Variants in MYO1D observed in about 807,000 individuals in gnomAD.
The protein encoded by MYO1D is myosin ID.
In MYO1D, 83 loss-of-function variants were observed where a neutral mutation model predicts 122.0. That is an observed-to-expected ratio of 0.68 (90% CI 0.57 to 0.82). The LOEUF is 0.82. Ranked by LOEUF, MYO1D falls within the 40% of genes least tolerant of loss-of-function variation. MYO1D has a pLI of 0.00. For missense variants in MYO1D, 1,157 were observed against 1,269.5 expected, an observed-to-expected ratio of 0.91 and a Z score of 1.35; for synonymous variants, 464 against 446.9, an observed-to-expected ratio of 1.04 and a Z score of -0.48.
chr17:32,575,499 AT>A (rs2087270417), intron 21 of MYO1D, among the ~76,000 whole-genome samples: 1 of 152,244 alleles, frequency 6.6e-6, no homozygotes, highest in Non-Finnish European at 1.5e-5. Context: ...TGGTGTGATT[AT>A]ATAGTACAAG....
At chr17:32,643,885 T>G (rs1451231797) in intron 19 of MYO1D, among the ~76,000 whole-genome samples, 2 of 152,210 alleles carry the variant, frequency 1.3e-5, no homozygotes, top group African/African-American at 2.4e-5. Flanking sequence ...CTGGATTCAT[T>G]GATTTTTTGA....
At chr17:32,734,099 T>C (rs1470172209) in intron 14 of MYO1D, among the ~76,000 whole-genome samples, 5 of 152,190 alleles carry the variant, frequency 3.3e-5, no homozygotes, top group Admixed American at 3.3e-4. Context: ...CCACAAAGGT[T>C]TTATAAAACT....
intron 1 of MYO1D, chr17:32,792,623 A>G (rs1416814204): frequency 2.0e-5 from 3 of 152,204 alleles, no homozygotes; most frequent in Non-Finnish European, 4.4e-5. Flanking sequence ...TGTTGGAAAG[A>G]GTAGGAGCTT....
rs28679586 is a variant in MYO1D at position 32,861,383 on chromosome 17, G to A, written c.95+15395C>T. On this transcript the variant is annotated intron_variant, in intron 1 of 21. Transcript: ENST00000318217. ...ACCTGGCCTGTATTTATTCTTAGCA[G>A]AGGAAATGTGTAGAAAACAATTGCC... Among the ~76,000 whole-genome samples the A allele has an allele frequency of 9.1e-3, 1,379 of 152,148 alleles. 19 individuals carry two copies. Among genetic ancestry groups the A allele is most frequent in the African/African-American group, 0.031 (1,266 of 41,504 alleles).
intron 16 of MYO1D, among the ~76,000 whole-genome samples, chr17:32,667,220 T>C (rs368616156): frequency 6.6e-6 from 1 of 152,200 alleles, no homozygotes; most frequent in Non-Finnish European, 1.5e-5. Context: ...TATTTCATGA[T>C]TGACTGATGA....
intron 21 of MYO1D, among the ~76,000 whole-genome samples, chr17:32,501,933 G>A (rs1437849744): frequency 1.3e-5 from 2 of 152,208 alleles, no homozygotes; most frequent in Non-Finnish European, 2.9e-5. Context: ...TAGGGGTGGT[G>A]TGGGGGCTGG....
Position 32,804,227 on chromosome 17 carries a change from T to C in MYO1D, c.96-23443A>G, listed in dbSNP as rs182567829. Among the ~76,000 whole-genome samples the C allele has an allele frequency of 3.3e-5, 5 of 152,334 alleles. No individual in the cohort carries two copies. The East Asian group carries it at 9.6e-4, about 29-fold the overall frequency. On this transcript the variant is annotated intron_variant, in intron 1 of 21. Transcript: ENST00000318217. The stretch of plus-strand genomic sequence containing the variant: ...CACGATGTAAACAGTTGTTATACTA[T>C]ATTTTGGGGGAATGATGACCCAAAA...
chr17:32,580,279 T>G (rs2087320343), intron 21 of MYO1D, among the ~76,000 whole-genome samples: 1 of 145,224 alleles, frequency 6.9e-6, no homozygotes, highest in Admixed American at 7.0e-5. Flanking sequence ...ATTGTTAGTC[T>G]GCTAAGAGGA....
At chr17:32,698,393 T>C (rs150959510) in intron 16 of MYO1D, among the ~76,000 whole-genome samples, 4,739 of 144,202 alleles carry the variant, frequency 0.033, 273 homozygotes, top group African/African-American at 0.11. Flanking sequence ...TTCCTTCTTT[T>C]CTTTTTTAAG....
Position 32,493,415 on chromosome 17 carries a change from G to A in MYO1D, c.*1344C>T, listed in dbSNP as rs1908960247. The A allele has an allele frequency of 6.6e-6, 1 of 152,334 alleles. No individual in the cohort carries two copies. Among genetic ancestry groups the A allele is most frequent in the African/African-American group, 2.4e-5 (1 of 41,434 alleles). The allele number at this position is 152,334 out of a possible 1,614,324, so 9.4% of individuals were successfully genotyped here. A position where few individuals can be genotyped will look rare whatever the true frequency, so the allele number is the denominator to read the frequency against. On this transcript the variant is annotated 3_prime_UTR_variant, in exon 22 of 22. Transcript: ENST00000318217. Reference sequence around the variant, plus strand: ...GGGTCAGGGTGGGAAGGCAGGAGAAGTGTCTGTGGCAGGACGGGAAGAAGC... The same window carrying A: ...GGGTCAGGGTGGGAAGGCAGGAGAAATGTCTGTGGCAGGACGGGAAGAAGC...
chr17:32,775,603 C>G (rs574408428), intron 4 of MYO1D, among the ~76,000 whole-genome samples: 1 of 152,296 alleles, frequency 6.6e-6, no homozygotes, highest in South Asian at 2.1e-4. Context: ...TACCCAGAAG[C>G]TGGCACACAC....
intron 16 of MYO1D, among the ~76,000 whole-genome samples, chr17:32,684,020 C>G (rs568581691): frequency 6.6e-6 from 1 of 152,308 alleles, no homozygotes; most frequent in South Asian, 2.1e-4. Flanking sequence ...CAGGTGCGTC[C>G]GTCACCCCTT....
chr17:32,837,189 T>C (rs1368513727), intron 1 of MYO1D, among the ~76,000 whole-genome samples: 1 of 151,998 alleles, frequency 6.6e-6, no homozygotes, highest in Non-Finnish European at 1.5e-5. Flanking sequence ...TGTGCAATGA[T>C]GTTGTGGACT....
At chr17:32,802,759 A>T (rs1450716859) in intron 1 of MYO1D, among the ~76,000 whole-genome samples, 1 of 152,242 alleles carries the variant, frequency 6.6e-6, no homozygotes, top group Admixed American at 6.5e-5. Flanking sequence ...ATACATACAG[A>T]TAAATTTCAC....
At chr17:32,499,492 G>A (rs1192588657) in intron 21 of MYO1D, among the ~76,000 whole-genome samples, 1 of 151,502 alleles carries the variant, frequency 6.6e-6, no homozygotes, top group African/African-American at 2.4e-5. Flanking sequence ...AAATTAGCTG[G>A]GTGTGGTGGT....
chr17:32,659,063 G>T (rs779013017), intron 17 of MYO1D, 52 bp downstream of exon 17: 2 of 1,505,484 alleles, frequency 1.3e-6, no homozygotes, highest in Non-Finnish European at 9.2e-7. Context: ...ACTTTGCATA[G>T]TATTAACTGT....
chr17:32,696,078 C>T (rs1178925468), intron 16 of MYO1D, among the ~76,000 whole-genome samples: 1 of 152,078 alleles, frequency 6.6e-6, no homozygotes, highest in Non-Finnish European at 1.5e-5. Context: ...ACTCTGATAG[C>T]TAATGGAATA....
intron 1 of MYO1D, among the ~76,000 whole-genome samples, chr17:32,836,701 A>G (rs2090828128): frequency 6.6e-6 from 1 of 152,180 alleles, no homozygotes; most frequent in African/African-American, 2.4e-5. Flanking sequence ...ATATACCACA[A>G]TTTAATTACA....
At chr17:32,701,767 G>A (rs1362079081) in intron 16 of MYO1D, among the ~76,000 whole-genome samples, 2 of 152,064 alleles carry the variant, frequency 1.3e-5, no homozygotes, top group African/African-American at 4.8e-5. Flanking sequence ...GGGTTTCGCT[G>A]TGTTGCCCAG....
Sources: allele counts gnomAD v4.1 joint callset (sites outside exome capture counted in the v4.1 genomes callset), GRCh38; gene constraint gnomAD v4.1.1; transcripts MANE v1.5; gene names NCBI Gene and HGNC (gene_info 2026-07-23, HGNC 2026-07-21).